RMND5A: variants seen among roughly 807,000 people sequenced by gnomAD.
The protein encoded by RMND5A is E3 ubiquitin-protein transferase RMND5A.
RMND5A carries 17 observed loss-of-function variants against 49.7 expected under a neutral mutation model. The ratio of observed to expected loss-of-function variants is 0.34; its 90% confidence interval spans 0.23 to 0.51. RMND5A has a LOEUF of 0.51. Among genes scored for constraint, RMND5A ranks in the 20% least tolerant of loss-of-function variants. The pLI, the probability that RMND5A is intolerant of heterozygous loss-of-function variation, is 0.96. For missense variants in RMND5A, 255 were observed against 471.3 expected, an observed-to-expected ratio of 0.54 and a Z score of 4.25; for synonymous variants, 156 against 167.7, an observed-to-expected ratio of 0.93 and a Z score of 0.54.
intron 6 of RMND5A, 94 bp downstream of exon 6, chr2:86,766,118 CTT>C (rs774222087): frequency 2.7e-4 from 315 of 1,148,916 alleles, no homozygotes; most frequent in Non-Finnish European, 3.5e-4. Flanking sequence ...GCCAAAATAA[CTT>C]TTGTCTTTCC....
chr2:86,751,040 A>T (rs1204574327), intron 2 of RMND5A, among the ~76,000 whole-genome samples: 1 of 151,946 alleles, frequency 6.6e-6, no homozygotes, highest in African/African-American at 2.4e-5. Flanking sequence ...TTTCCATGTG[A>T]GTTGAGATTT....
chr2:86,753,656 T>A, intron 4 of RMND5A, 98 bp downstream of exon 4: 1 of 597,118 alleles, frequency 1.7e-6, no homozygotes, highest in Non-Finnish European at 2.9e-6. Flanking sequence ...ATATTTATCT[T>A]ACCTGTGGTA....
chr2:86,750,104 T>G (rs114033894), intron 2 of RMND5A, among the ~76,000 whole-genome samples: 2,096 of 152,350 alleles, frequency 0.014, 21 homozygotes, highest in Non-Finnish European at 0.019. Flanking sequence ...TTATATATTT[T>G]TAAAAAGAAA....
chr2:86,743,772 G>A (rs927516143), intron 2 of RMND5A, among the ~76,000 whole-genome samples: 3 of 152,210 alleles, frequency 2.0e-5, no homozygotes, highest in African/African-American at 7.2e-5. Flanking sequence ...GATCACCTGA[G>A]GTGAGGAGTT....
intron 6 of RMND5A, among the ~76,000 whole-genome samples, chr2:86,766,661 C>CAAA (rs59511898): frequency 1.0e-3 from 80 of 76,952 alleles, no homozygotes; most frequent in African/African-American, 3.9e-3. Context: ...GAGACTGTCT[C>CAAA]AAAAAAAAAA....
At chr2:86,769,925 G>T (rs953848562) in intron 6 of RMND5A, 98 bp from the exon 7 acceptor site, 11 of 789,476 alleles carry the variant, frequency 1.4e-5, no homozygotes, top group Non-Finnish European at 2.0e-5. Flanking sequence ...CAGTGGCCAG[G>T]GTCTGCAGCA....
At chr2:86,740,710 A>T (rs908543410) in intron 1 of RMND5A, among the ~76,000 whole-genome samples, 17 of 150,830 alleles carry the variant, frequency 1.1e-4, no homozygotes, top group Admixed American at 4.0e-4. Context: ...GATTCCTTTC[A>T]CAGTAAAATT....
intron 1 of RMND5A, among the ~76,000 whole-genome samples, chr2:86,721,625 C>T (rs575042510): frequency 1.3e-5 from 2 of 151,562 alleles, no homozygotes; most frequent in Admixed American, 6.6e-5. Context: ...TTTTTTACTG[C>T]CCCAAGCCCT....
Position 86,773,661 on chromosome 2 carries a change from G to A in RMND5A, c.*250G>A, listed in dbSNP as rs140575393. On this transcript the variant is annotated 3_prime_UTR_variant, in exon 9 of 9. Coordinates refer to ENST00000283632, the MANE Select transcript of RMND5A (RefSeq NM_022780.4). ...AATACACCAGCAGTTGTCATTCAAT[G>A]CAGGTTTTTGTACTTAATTATATGG... The A allele has an allele frequency of 4.4e-5, 14 of 315,204 alleles. No individual in the cohort carries two copies. Among genetic ancestry groups the A allele is most frequent in the African/African-American group, 2.3e-4 (11 of 47,048 alleles). The allele number at this position is 315,204 out of a possible 1,614,324, so 19.5% of individuals were successfully genotyped here. A position where few individuals can be genotyped will look rare whatever the true frequency, so the allele number is the denominator to read the frequency against.
rs1454870474 is a variant in RMND5A at position 86,732,481 on chromosome 2, C to CT, written c.143-8438dup. Among the ~76,000 whole-genome samples, 12 of 141,630 alleles carry CT rather than the reference C, an allele frequency of 8.5e-5. No homozygotes were observed. The East Asian group carries it at 1.7e-3, about 20-fold the overall frequency. 92.9% of individuals were successfully genotyped at this position (141,630 alleles called of 152,430 possible). On this transcript the variant is annotated intron_variant, in intron 1 of 8. Transcript: ENST00000283632. ...GTCACGGAGCTGGACACGAGACGTG[C>CT]TTTTTTTTGAGGCTTGTGATCAGTA...
chr2:86,721,601 C>T (rs1246719787), intron 1 of RMND5A, among the ~76,000 whole-genome samples: 2 of 151,440 alleles, frequency 1.3e-5, no homozygotes, highest in Non-Finnish European at 2.9e-5. Flanking sequence ...AGGTGTTTCA[C>T]CTAGATTGTT....
At chr2:86,757,290 A>G (rs1199630666) in intron 4 of RMND5A, among the ~76,000 whole-genome samples, 1 of 151,822 alleles carries the variant, frequency 6.6e-6, no homozygotes, top group Non-Finnish European at 1.5e-5. Flanking sequence ...CTGATTACAT[A>G]GATCTAATCA....
At position 86,752,047 on chromosome 2, in the gene RMND5A, T is replaced by C; in HGVS notation, c.420+17T>C. 1 of 1,611,952 alleles carries C rather than the reference T, an allele frequency of 6.2e-7. No homozygotes were observed. ...CTCTGTCAGGTAACAGTGTGCCAAC[T>C]GGGAGGATATGAAAAAGAAACAAGG... On this transcript the variant is annotated intron_variant, in intron 3 of 8. Transcript: ENST00000283632.
intron 6 of RMND5A, among the ~76,000 whole-genome samples, chr2:86,769,759 A>G: frequency 6.6e-6 from 1 of 151,238 alleles, no homozygotes; most frequent in Non-Finnish European, 1.5e-5. Flanking sequence ...TTAGAGTTTT[A>G]TTTTTTGTTT....
rs1178443955 is a variant in RMND5A at position 86,777,507 on chromosome 2, A to G, written c.*4096A>G. The stretch of plus-strand genomic sequence containing the variant: ...TATTTTGCTCATGACTGCAGTATGC[A>G]TGTATTTTTTTCCTTCTCTGTGTTT... On this transcript the variant is annotated 3_prime_UTR_variant, in exon 9 of 9. Transcript: ENST00000283632. The G allele has an allele frequency of 1.3e-5, 2 of 152,216 alleles. No homozygotes were observed. The highest frequency in any genetic ancestry group is 6.5e-5 in the Admixed American group (1 of 15,280). The allele number at this position is 152,216 out of a possible 1,614,324, so 9.4% of individuals were successfully genotyped here.
In RMND5A at chr2:86,776,774, T is replaced by TA. The variant is rs1329409440; in HGVS notation, c.*3364dup. The stretch of plus-strand genomic sequence containing the variant: ...GGAAGGCATGGAGGCATAGTTTGGT[T>TA]AGTTTCATCACTAGGATGTATAAGG... On this transcript the variant is annotated 3_prime_UTR_variant, in exon 9 of 9. Transcript: ENST00000283632. The TA allele has an allele frequency of 6.6e-6, 1 of 152,234 alleles. No individual in the cohort carries two copies. The highest frequency in any genetic ancestry group is 2.4e-5 in the African/African-American group (1 of 41,460). The allele number at this position is 152,234 out of a possible 1,614,324, so 9.4% of individuals were successfully genotyped here.
At chr2:86,750,200 T>G (rs1346292625) in intron 2 of RMND5A, among the ~76,000 whole-genome samples, 1 of 152,258 alleles carries the variant, frequency 6.6e-6, no homozygotes, top group Non-Finnish European at 1.5e-5. Flanking sequence ...CACACTGTGA[T>G]GTACGTTTGC....
rs1672782247 is a variant in RMND5A, at chr2:86,777,027, T to C, written c.*3616T>C. ...TCTTAATGAACTATAATTGAATAGA[T>C]ACCAAAAATAGAATGACAAATGTAT... On this transcript the variant is annotated 3_prime_UTR_variant, in exon 9 of 9. Transcript: ENST00000283632. The C allele has an allele frequency of 6.6e-6, 1 of 152,190 alleles. No homozygotes were observed. Among genetic ancestry groups the C allele is most frequent in the African/African-American group, 2.4e-5 (1 of 41,448 alleles). The allele number at this position is 152,190 out of a possible 1,614,324, so 9.4% of individuals were successfully genotyped here.
intron 2 of RMND5A, among the ~76,000 whole-genome samples, chr2:86,747,385 A>G (rs1205907130): frequency 3.3e-5 from 5 of 152,140 alleles, no homozygotes; most frequent in East Asian, 1.9e-4. Context: ...GTTTGTTTCA[A>G]ACTCTTCTGA....
Sources: allele counts gnomAD v4.1 joint callset (sites outside exome capture counted in the v4.1 genomes callset), GRCh38; gene constraint gnomAD v4.1.1; transcripts MANE v1.5; gene names NCBI Gene and HGNC (gene_info 2026-07-23, HGNC 2026-07-21).